The following ARHGAP15 variants were observed in gnomAD, a reference collection of about 807,000 sequenced individuals.
The protein encoded by ARHGAP15 is Rho GTPase activating protein 15, also known as rho GTPase-activating protein 15.
Under a neutral mutation model 63.7 loss-of-function variants are expected in ARHGAP15, and 51 were observed. That is an observed-to-expected ratio of 0.80 (90% CI 0.64 to 1.01). The LOEUF (loss-of-function observed/expected upper bound fraction) is 1.01. Among genes scored for constraint, ARHGAP15 ranks in the 50% least tolerant of loss-of-function variants. ARHGAP15 has a pLI of 0.00. For synonymous variants in ARHGAP15, 191 were observed against 193.8 expected (o/e 0.99, Z 0.12); for missense variants, 560 against 564.6 (o/e 0.99, Z 0.08).
chr2:143,318,352 T>C (rs780217026), intron 6 of ARHGAP15, among the ~76,000 whole-genome samples: 1 of 152,072 alleles, frequency 6.6e-6, no homozygotes, highest in Non-Finnish European at 1.5e-5. Flanking sequence ...TAATATAAGC[T>C]GTGTAGATAA....
intron 2 of ARHGAP15, among the ~76,000 whole-genome samples, chr2:143,189,613 C>A (rs1437285462): frequency 6.6e-6 from 1 of 151,672 alleles, no homozygotes; most frequent in African/African-American, 2.4e-5. Context: ...AGGCATGGGC[C>A]AACACACCTG....
chr2:143,653,922 T>TTAAG (rs1310560784), intron 12 of ARHGAP15, among the ~76,000 whole-genome samples: 5 of 152,232 alleles, frequency 3.3e-5, no homozygotes, highest in Non-Finnish European at 7.3e-5. Flanking sequence ...TTTTCTACTA[T>TTAAG]TAAGTTTTTA....
chr2:143,232,265 T>C (rs1693476832), intron 5 of ARHGAP15, among the ~76,000 whole-genome samples: 1 of 152,050 alleles, frequency 6.6e-6, no homozygotes, highest in Admixed American at 6.5e-5. Context: ...AAATACCCAA[T>C]CCAAAAAATA....
chr2:143,426,480 G>A lies in ARHGAP15; in HGVS notation c.475-9121G>A, dbSNP rs1419032346. On this transcript the variant is annotated intron_variant, in intron 6 of 13. Coordinates refer to ENST00000295095, the MANE Select transcript of ARHGAP15 (RefSeq NM_018460.4). ...AAGGGAACTGCGGTGCATTTCCTAG[G>A]TTGGTATGTTCTGGCTATGCTGCGA... is the stretch of plus-strand genomic sequence containing the variant. Among the ~76,000 whole-genome samples, 3 of 152,132 alleles carry A rather than the reference G, an allele frequency of 2.0e-5. No homozygotes were observed. The East Asian group carries it at 5.8e-4, about 29-fold the overall frequency.
chr2:143,422,517 G>A (rs1688967350), intron 6 of ARHGAP15, among the ~76,000 whole-genome samples: 1 of 152,100 alleles, frequency 6.6e-6, no homozygotes, highest in African/African-American at 2.4e-5. Flanking sequence ...CAAAAAGTAA[G>A]ATAACAAAAT....
chr2:143,226,081 T>C (rs996774688), intron 4 of ARHGAP15, among the ~76,000 whole-genome samples: 2 of 152,258 alleles, frequency 1.3e-5, no homozygotes, highest in Non-Finnish European at 2.9e-5. Context: ...GAGCAAGTCA[T>C]GTTGCTAAGG....
intron 9 of ARHGAP15, among the ~76,000 whole-genome samples, chr2:143,506,434 T>C (rs896507840): frequency 8.6e-5 from 13 of 151,030 alleles, no homozygotes; most frequent in African/African-American, 3.1e-4. Context: ...AGTGACAACC[T>C]AATTGATAAG....
chr2:143,528,838 G>A (rs902135592), intron 10 of ARHGAP15, among the ~76,000 whole-genome samples: 5 of 152,020 alleles, frequency 3.3e-5, no homozygotes, highest in East Asian at 1.9e-4. Context: ...GGCATTTGAC[G>A]ATGTATTTGA....
chr2:143,643,246 A>C (rs1291855126), intron 12 of ARHGAP15, among the ~76,000 whole-genome samples: 1 of 152,072 alleles, frequency 6.6e-6, no homozygotes, highest in African/African-American at 2.4e-5. Flanking sequence ...TTGGCACTAC[A>C]TTTGGCTATC....
At chr2:143,543,161 A>G (rs544777018) in intron 10 of ARHGAP15, among the ~76,000 whole-genome samples, 44 of 152,146 alleles carry the variant, frequency 2.9e-4, no homozygotes, top group Admixed American at 1.2e-3. Context: ...ATTCCCACCA[A>G]TAATATAAAA....
rs1687144725 is a variant in ARHGAP15 at position 143,383,557 on chromosome 2, A to G, written c.475-52044A>G. ...AGTAATTATGCCAAATATGGAAAGT[A>G]TACACAATAATTTGTATAACATTCT... On this transcript the variant is annotated intron_variant, in intron 6 of 13. Transcript: ENST00000295095. Among the ~76,000 whole-genome samples the G allele has an allele frequency of 2.6e-5, 4 of 152,346 alleles. No homozygotes were observed. In the South Asian group the frequency reaches 8.3e-4, roughly 32 times the overall value.
chr2:143,637,068 A>T (rs1050128310), intron 12 of ARHGAP15, among the ~76,000 whole-genome samples: 1 of 151,686 alleles, frequency 6.6e-6, no homozygotes, highest in African/African-American at 2.4e-5. Context: ...TCCTACCAGG[A>T]GAGCCCCACC....
intron 4 of ARHGAP15, among the ~76,000 whole-genome samples, chr2:143,225,882 G>GA (rs1427177224): frequency 6.6e-6 from 1 of 152,084 alleles, no homozygotes; most frequent in African/African-American, 2.4e-5. Context: ...AGAATCATGG[G>GA]AAAAAATCGA....
At chr2:143,488,763 TTAGC>T in intron 9 of ARHGAP15, among the ~76,000 whole-genome samples, 2 of 152,300 alleles carry the variant, frequency 1.3e-5, no homozygotes, top group Non-Finnish European at 2.9e-5. Flanking sequence ...ATCTGAAAAA[TTAGC>T]TAGCACTTTG....
chr2:143,400,141 ATGTC>A lies in ARHGAP15; in HGVS notation c.475-35457_475-35454del, dbSNP rs139511487. Among the ~76,000 whole-genome samples, 742 of 152,148 alleles carry A rather than the reference ATGTC, an allele frequency of 4.9e-3. 9 individuals are homozygous for A. The highest frequency in any genetic ancestry group is 0.017 in the African/African-American group (708 of 41,528). ...GCCATTAATATAAACAATGAGATGA[ATGTC>A]TGAGTTTAAGGATTTCAGTGTTATA... On this transcript the variant is annotated intron_variant, in intron 6 of 13. Transcript: ENST00000295095.
chr2:143,459,047 T>C (rs921544418), intron 8 of ARHGAP15, among the ~76,000 whole-genome samples: 4 of 152,136 alleles, frequency 2.6e-5, no homozygotes, highest in African/African-American at 4.8e-5. Context: ...CTTGGAGGCA[T>C]AGTTGTAAAT....
Position 143,165,960 on chromosome 2 carries a change from G to GAGAAAGAAAGAAAGAAAGAAAGAAAGAA in ARHGAP15, c.165+10322_165+10349dup, listed in dbSNP as rs778728158. Reference sequence around the variant, plus strand: ...AAAGAAAAGAAGAAAGAAAGAAAGAGAGAAAGAAAGAAAGAAAGAAAGAAA... The same window carrying GAGAAAGAAAGAAAGAAAGAAAGAAAGAA: ...AAAGAAAAGAAGAAAGAAAGAAAGAGAGAAAGAAAGAAAGAAAGAAAGAAAGAAAGAAAGAAAGAAAGAAAGAAAGAAA... On this transcript the variant is annotated intron_variant, in intron 2 of 13. Coordinates refer to ENST00000295095, the MANE Select transcript of ARHGAP15 (RefSeq NM_018460.4). 9.3e-4 allele frequency among the ~76,000 whole-genome samples: 87 copies of GAGAAAGAAAGAAAGAAAGAAAGAAAGAA among 93,632 alleles called. 1 individual carries two copies. Among genetic ancestry groups the GAGAAAGAAAGAAAGAAAGAAAGAAAGAA allele is most frequent in the Non-Finnish European group, 1.4e-3 (65 of 47,320 alleles). 61.4% of individuals were successfully genotyped at this position (93,632 alleles called of 152,430 possible).
chr2:143,539,124 A>G (rs1694919470), intron 10 of ARHGAP15, among the ~76,000 whole-genome samples: 1 of 152,196 alleles, frequency 6.6e-6, no homozygotes, highest in East Asian at 1.9e-4. Flanking sequence ...GTATGTGTTG[A>G]GGAACTTATC....
At chr2:143,437,140 T>C in intron 8 of ARHGAP15, 98 bp downstream of exon 8, 1 of 1,342,346 alleles carries the variant, frequency 7.4e-7, no homozygotes, top group Non-Finnish European at 1.0e-6. Flanking sequence ...AAACTCATCA[T>C]ACTCATGGAA....
Sources: gnomAD v4.1 joint callset for allele counts (sites outside exome capture counted in the v4.1 genomes callset) on GRCh38, gnomAD v4.1.1 for gene constraint, MANE v1.5 for transcripts, NCBI Gene and HGNC (gene_info 2026-07-23, HGNC 2026-07-21) for gene names.